Variants in ST6GALNAC6 observed in about 807,000 individuals in gnomAD.
The protein encoded by ST6GALNAC6 is ST6 N-acetylgalactosaminide alpha-2,6-sialyltransferase 6.
ST6GALNAC6 carries 19 observed loss-of-function variants against 34.3 expected under a neutral mutation model. The ratio of observed to expected loss-of-function variants is 0.55; its 90% CI spans 0.39 to 0.81. The LOEUF (loss-of-function observed/expected upper bound fraction) is 0.81. Among genes scored for constraint, ST6GALNAC6 ranks in the 40% least tolerant of loss-of-function variants. The pLI is 0.00. For missense variants in ST6GALNAC6, 377 were observed against 467.7 expected, an observed-to-expected ratio of 0.81 and a Z score of 1.79; for synonymous variants, 185 against 182.1, an observed-to-expected ratio of 1.02 and a Z score of -0.13.
intron 3 of ST6GALNAC6, among the ~76,000 whole-genome samples, chr9:127,895,325 G>A (rs911995722): frequency 2.0e-5 from 3 of 152,208 alleles, no homozygotes; most frequent in African/African-American, 7.2e-5. Context: ...TCCAGTAAGG[G>A]CATCTTACCC....
Position 127,893,568 on chromosome 9 carries a change from G to A in ST6GALNAC6, c.297+944C>T, listed in dbSNP as rs143730616. Among the ~76,000 whole-genome samples the A allele has an allele frequency of 3.3e-5, 5 of 152,222 alleles. No individual in the cohort carries two copies. In the East Asian group the frequency reaches 5.8e-4, roughly 18 times the overall value. On this transcript the variant is annotated intron_variant, in intron 4 of 6. Transcript: ENST00000373146. The stretch of plus-strand genomic sequence containing the variant: ...TCCAAGATCCAGCAACACATCCCAC[G>A]TACCTCGACTGGCACTCCCACTTTT...
intron 4 of ST6GALNAC6, among the ~76,000 whole-genome samples, chr9:127,894,132 G>A (rs567864948): frequency 3.4e-4 from 51 of 152,186 alleles, no homozygotes; most frequent in Admixed American, 2.8e-3. Flanking sequence ...GTGATCAAAG[G>A]GCCTGGCACA....
intron 5 of ST6GALNAC6, 86 bp from the exon 6 acceptor site, chr9:127,887,677 G>C (rs376080358): frequency 2.3e-5 from 25 of 1,087,000 alleles, no homozygotes; most frequent in Admixed American, 1.8e-4. Context: ...GGAGTTCCCT[G>C]GAACTCCTCC....
intron 5 of ST6GALNAC6, 64 bp from the exon 6 acceptor site, chr9:127,887,655 G>C (rs1829864886): frequency 1.8e-5 from 25 of 1,365,764 alleles, no homozygotes; most frequent in Non-Finnish European, 2.5e-5. Flanking sequence ...GGTGACCCAG[G>C]GTCACCCACG....
rs1432871306 is a variant in ST6GALNAC6, at chr9:127,891,606, ACT to A, written c.298-565_298-564del. 2.6e-5 allele frequency among the ~76,000 whole-genome samples: 4 copies of A among 151,232 alleles called. No homozygotes were observed. The East Asian group carries it at 5.8e-4, about 22-fold the overall frequency. On this transcript the variant is annotated intron_variant, in intron 4 of 6. Coordinates refer to ENST00000373146, the MANE Select transcript of ST6GALNAC6 (RefSeq NM_013443.5). ...ATTCAAGCCTAGATGACAGAGCAAG[ACT>A]CTGTCGAAATAAAGAAAGGTAAGAA...
chr9:127,906,180 C>T (rs987100134), upstream of ST6GALNAC6: 1 of 209,268 alleles, frequency 4.8e-6, no homozygotes, highest in East Asian at 1.8e-4. Context: ...CCCAGAGCCC[C>T]CGGGACTACT....
chr9:127,890,139 A>T lies in ST6GALNAC6; in HGVS notation c.704+498T>A, dbSNP rs1830048513. ...TGCGATTACTATGAAAATAAATGAC[A>T]TATGTGGCTCACATAGATTTCTATT... is the stretch of plus-strand genomic sequence containing the variant. On this transcript the variant is annotated intron_variant, in intron 5 of 6. Transcript: ENST00000373146. This position sits in a 1 kb window ranked among gnomAD's most constrained non-coding sequence, Gnocchi z 4.3. Among the ~76,000 whole-genome samples, 1 of 152,328 alleles carries T rather than the reference A, an allele frequency of 6.6e-6. No homozygotes were observed. The highest frequency in any genetic ancestry group is 2.1e-4 in the South Asian group (1 of 4,834).
intron 6 of ST6GALNAC6, 51 bp downstream of exon 6, chr9:127,887,433 C>T (rs770201183): frequency 2.3e-5 from 34 of 1,489,842 alleles, no homozygotes; most frequent in Admixed American, 9.0e-5. Context: ...CTCCATCCTG[C>T]GGCCAGTGCC....
upstream of ST6GALNAC6, among the ~76,000 whole-genome samples, chr9:127,902,380 C>T (rs1442420070): frequency 6.6e-6 from 1 of 151,896 alleles, no homozygotes; most frequent in African/African-American, 2.4e-5. Context: ...AGGCTGGTCT[C>T]GAACTCTCGA....
chr9:127,893,000 C>T (rs77487594), intron 4 of ST6GALNAC6, among the ~76,000 whole-genome samples: 4 of 152,126 alleles, frequency 2.6e-5, no homozygotes, highest in African/African-American at 4.8e-5. Flanking sequence ...GCTGGCCCTG[C>T]GATTGTTAAA....
chr9:127,886,263 T>A lies in ST6GALNAC6; in HGVS notation c.*336A>T. 2.1e-6 allele frequency: 1 copy of A among 467,016 alleles called. No homozygotes were observed. The highest frequency in any genetic ancestry group is 5.0e-4 in the Middle Eastern group (1 of 1,988). 28.9% of individuals were successfully genotyped at this position (467,016 alleles called of 1,614,324 possible). ...AGGAGAGTGGGGAGTGATTGGGGGG[T>A]CCATTCCTGGGGCTCTGAACCAAGG... On this transcript the variant is annotated 3_prime_UTR_variant, in exon 7 of 7. Coordinates refer to ENST00000373146, the MANE Select transcript of ST6GALNAC6 (RefSeq NM_013443.5).
chr9:127,887,239 C>T (rs1260674956), intron 6 of ST6GALNAC6, among the ~76,000 whole-genome samples: 1 of 147,504 alleles, frequency 6.8e-6, no homozygotes, highest in Non-Finnish European at 1.5e-5. Context: ...GTATAGCTGT[C>T]CCCTAGTGGG....
At chr9:127,900,515 A>G (rs1564494998), upstream of ST6GALNAC6, among the ~76,000 whole-genome samples, 2 of 129,232 alleles carry the variant, frequency 1.5e-5, no homozygotes, top group Non-Finnish European at 3.1e-5. Context: ...AGCCGAGATC[A>G]CGCCATTGCA....
Position 127,886,533 on chromosome 9 carries a change from T to C in ST6GALNAC6, c.*66A>G, listed in dbSNP as rs777201044. ...CCTTGATTGGCCAGAAGATGGTCCC[T>C]GGCCTAGCGGCTGGGCGGAGGCTGC... On this transcript the variant is annotated 3_prime_UTR_variant, in exon 7 of 7. Coordinates refer to ENST00000373146, the MANE Select transcript of ST6GALNAC6 (RefSeq NM_013443.5). 6 of 1,590,986 alleles carry C rather than the reference T, an allele frequency of 3.8e-6. No individual in the cohort carries two copies. The highest frequency in any genetic ancestry group is 1.8e-5 in the Admixed American group (1 of 56,716).
chr9:127,905,590 G>C (rs1830896601), upstream of ST6GALNAC6: 1 of 284,394 alleles, frequency 3.5e-6, no homozygotes, highest in Non-Finnish European at 5.3e-6. Flanking sequence ...GAGGCAGGGA[G>C]TAGGGAGACA....
upstream of ST6GALNAC6, among the ~76,000 whole-genome samples, chr9:127,900,581 AAAAAAG>A (rs1366312318): frequency 1.3e-5 from 2 of 150,306 alleles, no homozygotes; most frequent in African/African-American, 4.9e-5. Context: ...AAAAAAAAAA[AAAAAAG>A]AAGGATGCAG....
At chr9:127,899,204 C>G (rs960321127) in intron 1 of ST6GALNAC6, 6 of 152,614 alleles carry the variant, frequency 3.9e-5, no homozygotes, top group Admixed American at 2.6e-4. Context: ...TCCCCCTCCC[C>G]AACTCCTGCA....
At chr9:127,901,471 T>A (rs1830756960), upstream of ST6GALNAC6, among the ~76,000 whole-genome samples, 1 of 151,756 alleles carries the variant, frequency 6.6e-6, no homozygotes, top group Non-Finnish European at 1.5e-5. Flanking sequence ...ACATGCTTAC[T>A]TGGAACACGC....
upstream of ST6GALNAC6, among the ~76,000 whole-genome samples, chr9:127,900,667 A>C (rs111652031): frequency 5.4e-3 from 823 of 151,522 alleles, 6 homozygotes; most frequent in African/African-American, 0.019. Context: ...AAGCAAGTTA[A>C]AGAACTGCCA....
Sources: allele counts gnomAD v4.1 joint callset (sites outside exome capture counted in the v4.1 genomes callset), GRCh38; gene constraint gnomAD v4.1.1; non-coding constraint Gnocchi (gnomAD v3.1); transcripts MANE v1.5; gene names NCBI Gene and HGNC (gene_info 2026-07-23, HGNC 2026-07-21).